The following ITGB6 variants were observed in gnomAD, a reference collection of about 807,000 sequenced individuals.
ITGB6 encodes integrin beta-6.
In ITGB6, 80 loss-of-function variants were observed where a neutral mutation model predicts 84.5. That is an observed-to-expected ratio of 0.95 (90% CI 0.79 to 1.14). The LOEUF is 1.14. ITGB6 is among the 50% of genes most tolerant of loss of function. The pLI is 0.00. For missense variants in ITGB6, 1,006 were observed against 968.0 expected (o/e 1.04, Z -0.52); for synonymous variants, 383 against 354.9 (o/e 1.08, Z -0.89).
chr2:160,115,313 C>T (rs1682718642), intron 12 of ITGB6, among the ~76,000 whole-genome samples: 1 of 152,214 alleles, frequency 6.6e-6, no homozygotes, highest in Non-Finnish European at 1.5e-5. Flanking sequence ...AGAGGAATAT[C>T]AGGCAGCAGC....
At position 160,147,162 on chromosome 2, in the gene ITGB6, AAG is replaced by A. The variant is rs1574085581; in HGVS notation, c.1018-5093_1018-5092del. 2.0e-5 allele frequency among the ~76,000 whole-genome samples: 3 copies of A among 152,108 alleles called. No homozygotes were observed. The East Asian group carries it at 5.8e-4, about 29-fold the overall frequency. Reference sequence around the variant, plus strand: ...GGAGAAACAAAGTAAGAAAGAAAGAAAGAAATGAAAGAAAGAAAGAAGAAAGA... The same window carrying A: ...GGAGAAACAAAGTAAGAAAGAAAGAAAAATGAAAGAAAGAAAGAAGAAAGA... On this transcript the variant is annotated intron_variant, in intron 7 of 14. Transcript: ENST00000283249.
chr2:160,114,940 G>A (rs1412179694), intron 12 of ITGB6, among the ~76,000 whole-genome samples: 1 of 152,242 alleles, frequency 6.6e-6, no homozygotes, highest in African/African-American at 2.4e-5. Flanking sequence ...CGGCAGCGAG[G>A]CTGGGGGAGG....
intron 13 of ITGB6, among the ~76,000 whole-genome samples, chr2:160,110,822 C>T (rs56172865): frequency 0.32 from 49,376 of 152,044 alleles, 9,494 homozygotes; most frequent in Non-Finnish European, 0.43. Flanking sequence ...GACCATGGAC[C>T]TCTGGGGACA....
At chr2:160,127,373 T>G (rs1574060239) in intron 10 of ITGB6, among the ~76,000 whole-genome samples, 2 of 152,338 alleles carry the variant, frequency 1.3e-5, no homozygotes, top group South Asian at 4.1e-4. Flanking sequence ...ACCCCTTATC[T>G]TAACACAGGT....
At chr2:160,192,881 A>T (rs1686195735) in intron 4 of ITGB6, among the ~76,000 whole-genome samples, 1 of 152,116 alleles carries the variant, frequency 6.6e-6, no homozygotes, top group South Asian at 2.1e-4. Context: ...AAACACAGGA[A>T]AAGGAGCTCA....
At chr2:160,144,855 G>C (rs1248799453) in intron 7 of ITGB6, among the ~76,000 whole-genome samples, 1 of 152,174 alleles carries the variant, frequency 6.6e-6, no homozygotes, top group Non-Finnish European at 1.5e-5. Flanking sequence ...CTAGAGTGAC[G>C]ATATAAAAGC....
intron 12 of ITGB6, among the ~76,000 whole-genome samples, chr2:160,116,959 G>A (rs1490589659): frequency 6.6e-6 from 1 of 151,648 alleles, no homozygotes; most frequent in African/African-American, 2.4e-5. Flanking sequence ...AACAAGAAGA[G>A]CTAACTATCC....
chr2:160,120,235 C>T (rs1369909373), intron 12 of ITGB6, among the ~76,000 whole-genome samples: 6 of 151,626 alleles, frequency 4.0e-5, no homozygotes, highest in African/African-American at 1.5e-4. Context: ...TATTGTGGCA[C>T]TATTTACAAT....
chr2:160,134,342 A>G (rs1033391664), intron 10 of ITGB6, among the ~76,000 whole-genome samples: 6 of 152,226 alleles, frequency 3.9e-5, no homozygotes, highest in Non-Finnish European at 8.8e-5. Flanking sequence ...ACACTCTCCC[A>G]AGACTAAACC....
intron 7 of ITGB6, among the ~76,000 whole-genome samples, chr2:160,160,564 T>A (rs1390630171): frequency 6.6e-6 from 1 of 152,142 alleles, no homozygotes; most frequent in African/African-American, 2.4e-5. Context: ...AGTCCCTTGG[T>A]AGGATATTTG....
intron 4 of ITGB6, among the ~76,000 whole-genome samples, chr2:160,175,841 A>T (rs1466430240): frequency 6.6e-6 from 1 of 152,114 alleles, no homozygotes; most frequent in South Asian, 2.1e-4. Flanking sequence ...CAGGAACCTA[A>T]CCCTATATTT....
chr2:160,100,451 T>C lies in ITGB6; in HGVS notation c.*1285A>G, dbSNP rs1052482203. 1.3e-5 allele frequency: 2 copies of C among 152,232 alleles called. No individual in the cohort carries two copies. The highest frequency in any genetic ancestry group is 2.4e-5 in the African/African-American group (1 of 41,462). 9.4% of individuals were successfully genotyped at this position (152,232 alleles called of 1,614,324 possible). ...TATTTCACTGACAAAAGAGGCAGTT[T>C]CCTGCAGTGGAAAGAGGAGATGGCT... On this transcript the variant is annotated 3_prime_UTR_variant, in exon 15 of 15. Coordinates refer to ENST00000283249, the MANE Select transcript of ITGB6 (RefSeq NM_000888.5).
intron 12 of ITGB6, 83 bp from the exon 13 acceptor site, chr2:160,112,282 T>C (rs540165456): frequency 1.5e-6 from 2 of 1,297,172 alleles, no homozygotes; most frequent in South Asian, 1.3e-5. Flanking sequence ...TGAGTTTTAA[T>C]ATGTAAATTA....
chr2:160,172,979 G>A (rs1190069285), intron 5 of ITGB6, among the ~76,000 whole-genome samples: 4 of 151,894 alleles, frequency 2.6e-5, no homozygotes, highest in East Asian at 3.9e-4. Context: ...CACTACAATC[G>A]GTATGCAGTT....
intron 5 of ITGB6, 24 bp downstream of exon 5, chr2:160,173,950 G>T: frequency 6.3e-7 from 1 of 1,586,114 alleles, no homozygotes; most frequent in South Asian, 1.2e-5. Context: ...TTAACAGAGT[G>T]AAACAGCACT....
At chr2:160,180,362 G>C (rs1398751559) in intron 4 of ITGB6, among the ~76,000 whole-genome samples, 3 of 152,156 alleles carry the variant, frequency 2.0e-5, no homozygotes, top group East Asian at 3.9e-4. Flanking sequence ...GCCCAGGCTG[G>C]ACTCAAACTC....
chr2:160,112,577 C>A (rs1019442434), intron 12 of ITGB6, among the ~76,000 whole-genome samples: 7 of 152,156 alleles, frequency 4.6e-5, no homozygotes, highest in Non-Finnish European at 7.3e-5. Context: ...GTCTAGATTA[C>A]ATTTCTGCAC....
chr2:160,121,725 G>A (rs183796270), intron 12 of ITGB6, among the ~76,000 whole-genome samples: 3 of 149,344 alleles, frequency 2.0e-5, no homozygotes, highest in East Asian at 2.0e-4. Flanking sequence ...CCTTGATCAC[G>A]CCACTACACT....
chr2:160,108,418 TA>T (rs1240074492), intron 13 of ITGB6, among the ~76,000 whole-genome samples: 1 of 152,208 alleles, frequency 6.6e-6, no homozygotes, highest in Non-Finnish European at 1.5e-5. Flanking sequence ...TGTTGAACCC[TA>T]ATGCAGTAGT....
Sources: allele counts gnomAD v4.1 joint callset (sites outside exome capture counted in the v4.1 genomes callset), GRCh38; gene constraint gnomAD v4.1.1; transcripts MANE v1.5; gene names NCBI Gene and HGNC (gene_info 2026-07-23, HGNC 2026-07-21).